SPAG17: variants seen among roughly 807,000 people sequenced by gnomAD.
SPAG17 encodes the protein sperm associated antigen 17, also known as sperm-associated antigen 17.
SPAG17 carries 169 observed loss-of-function variants against 273.6 expected under a neutral mutation model. The ratio of observed to expected loss-of-function variants is 0.62; its 90% confidence interval spans 0.55 to 0.70. SPAG17 has a LOEUF of 0.70. Ranked by LOEUF, SPAG17 falls within the 30% of genes least tolerant of loss-of-function variation. The probability of loss-of-function intolerance (pLI) is 0.00; values close to 1 mark genes in which losing one functional copy is unlikely to be tolerated. For synonymous variants in SPAG17, 825 were observed against 873.2 expected (o/e 0.94, Z 0.97); for missense variants, 2,557 against 2,627.8 (o/e 0.97, Z 0.59).
In SPAG17 at chr1:118,005,477, G is replaced by A; in HGVS notation, c.4713C>T (p.Tyr1571=). ...QKREQLRAGR[Y]IMRHTSEVIC... is the part of the protein sequence containing the mutation. Reference sequence around the variant, plus strand: ...TAACCTCTGAAGTATGCCTCATGATGTACCTGCCAGCTCGCAGCTGCTCAC... The same window carrying A: ...TAACCTCTGAAGTATGCCTCATGATATACCTGCCAGCTCGCAGCTGCTCAC... The change falls in exon 32 of 49, where the codon TAC becomes TAT. Residue 1571 remains tyrosine (Y), a synonymous_variant. Coordinates refer to ENST00000336338, the MANE Select transcript of SPAG17 (RefSeq NM_206996.4). 6.2e-7 allele frequency: 1 copy of A among 1,613,616 alleles called. No individual in the cohort carries two copies. Among genetic ancestry groups the A allele is most frequent in the Non-Finnish European group, 8.5e-7 (1 of 1,179,774 alleles).
intron 1 of SPAG17, among the ~76,000 whole-genome samples, chr1:118,164,664 T>C (rs1419692521): frequency 1.3e-5 from 2 of 152,234 alleles, no homozygotes; most frequent in Non-Finnish European, 1.5e-5. Flanking sequence ...TTCTGAGACA[T>C]AAACTTTATC....
chr1:118,134,993 C>CT (rs1485998563), intron 3 of SPAG17, among the ~76,000 whole-genome samples: 5 of 152,204 alleles, frequency 3.3e-5, no homozygotes, highest in African/African-American at 1.2e-4. Flanking sequence ...GTTCATTTCC[C>CT]TATCTGTTTT....
At chr1:118,014,212 T>C (rs1290691662) in intron 29 of SPAG17, among the ~76,000 whole-genome samples, 1 of 152,142 alleles carries the variant, frequency 6.6e-6, no homozygotes, top group African/African-American at 2.4e-5. Flanking sequence ...TGAGTTAGTA[T>C]ATGGAAAATG....
intron 1 of SPAG17, among the ~76,000 whole-genome samples, chr1:118,179,331 G>T (rs1459303066): frequency 6.6e-6 from 1 of 151,930 alleles, no homozygotes; most frequent in African/African-American, 2.4e-5. Flanking sequence ...CTTACAATAG[G>T]AAAGGACAGT....
At chr1:118,172,457 G>A (rs1386176526) in intron 1 of SPAG17, among the ~76,000 whole-genome samples, 7 of 152,112 alleles carry the variant, frequency 4.6e-5, no homozygotes, top group African/African-American at 1.7e-4. Flanking sequence ...TGGAATAACT[G>A]TCATGCCAAT....
chr1:118,180,458 C>T lies in SPAG17; in HGVS notation c.87+4613G>A, dbSNP rs150103079. Reference sequence around the variant, plus strand: ...GCTGGGAAAAGTAGCGAAGCCAGGGCATAGAGTTTGCTTAATGGGTACAAA... The same window carrying T: ...GCTGGGAAAAGTAGCGAAGCCAGGGTATAGAGTTTGCTTAATGGGTACAAA... On this transcript the variant is annotated intron_variant, in intron 1 of 48. Transcript: ENST00000336338. Among the ~76,000 whole-genome samples, 186 of 152,012 alleles carry T rather than the reference C, an allele frequency of 1.2e-3. 1 individual carries two copies. Among genetic ancestry groups the T allele is most frequent in the African/African-American group, 3.6e-3 (151 of 41,490 alleles).
In SPAG17 at chr1:118,073,987, C is replaced by CA. The variant is rs1557988914; in HGVS notation, c.2272-21dup. 2 of 1,510,356 alleles carry CA rather than the reference C, an allele frequency of 1.3e-6. No homozygotes were observed. The highest frequency in any genetic ancestry group is 1.8e-6 in the Non-Finnish European group (2 of 1,129,588). The allele number at this position is 1,510,356 out of a possible 1,614,324, so 93.6% of individuals were successfully genotyped here. On this transcript the variant is annotated intron_variant, in intron 16 of 48. Coordinates refer to ENST00000336338, the MANE Select transcript of SPAG17 (RefSeq NM_206996.4). ...GGGTTTCTAAAATATCATAGGAACA[C>CA]AATTTCAGCTTTAATTTGTTTAAGT...
At chr1:117,976,082 TACAC>T (rs1655104275) in intron 43 of SPAG17, among the ~76,000 whole-genome samples, 1 of 152,182 alleles carries the variant, frequency 6.6e-6, no homozygotes, top group African/African-American at 2.4e-5. Flanking sequence ...ACATAGCTAT[TACAC>T]AAGGAGCCCG....
At chr1:118,169,994 T>C (rs1413761622) in intron 1 of SPAG17, among the ~76,000 whole-genome samples, 1 of 152,224 alleles carries the variant, frequency 6.6e-6, no homozygotes, top group Non-Finnish European at 1.5e-5. Flanking sequence ...GGTTGGCAGA[T>C]GAAATATCTC....
chr1:118,044,817 C>T (rs961371133), intron 20 of SPAG17, among the ~76,000 whole-genome samples: 2 of 152,126 alleles, frequency 1.3e-5, no homozygotes, highest in Non-Finnish European at 2.9e-5. Context: ...GGAGGATGTG[C>T]CTGCCTCCCC....
chr1:118,006,202 T>C (rs1463001767), intron 31 of SPAG17, among the ~76,000 whole-genome samples: 1 of 152,250 alleles, frequency 6.6e-6, no homozygotes, highest in African/African-American at 2.4e-5. Context: ...TTATCACTAA[T>C]TCCGTAACAC....
In SPAG17 at chr1:118,025,359, G is replaced by A; in HGVS notation, c.3788C>T (p.Pro1263Leu). 1 of 1,611,128 alleles carries A rather than the reference G, an allele frequency of 6.2e-7. No individual in the cohort carries two copies. The highest frequency in any genetic ancestry group is 1.1e-5 in the South Asian group (1 of 90,720). The change falls in exon 27 of 49, where the codon CCC (proline) becomes CTC (leucine). Residue 1263 changes from proline to leucine, a missense_variant. Physicochemically the swap from Pro to Leu is moderately conservative, Grantham distance 98. Coordinates refer to ENST00000336338, the MANE Select transcript of SPAG17 (RefSeq NM_206996.4). ...GAACTCATAGTGCTTCACCCTCTGGGGGTAGCTCTGACGGACCATGATGTC... is the reference window on the plus strand; with the variant it reads ...GAACTCATAGTGCTTCACCCTCTGGAGGTAGCTCTGACGGACCATGATGTC... ...TWDIMVRQSY[P>L]QRVKHYEFYK...
At chr1:118,064,791 A>G (rs904266628) in intron 18 of SPAG17, among the ~76,000 whole-genome samples, 1 of 151,664 alleles carries the variant, frequency 6.6e-6, no homozygotes, top group Admixed American at 6.6e-5. Flanking sequence ...GATAATAAAA[A>G]TACTATCAGT....
intron 3 of SPAG17, among the ~76,000 whole-genome samples, chr1:118,128,014 T>A (rs896958644): frequency 6.6e-6 from 1 of 151,900 alleles, no homozygotes; most frequent in Admixed American, 6.6e-5. Context: ...CTAACCTACT[T>A]GGGAGGCTGA....
At chr1:118,140,970 T>C (rs893077167) in intron 3 of SPAG17, among the ~76,000 whole-genome samples, 20 of 152,314 alleles carry the variant, frequency 1.3e-4, no homozygotes, top group South Asian at 4.1e-4. Flanking sequence ...TTAGGGTTTT[T>C]GCACCCTCTG....
rs769946944 is a variant in SPAG17 at position 118,016,204 on chromosome 1, AAAC to A, written c.4070-25_4070-23del. The A allele has an allele frequency of 5.8e-6, 9 of 1,560,616 alleles. No homozygotes were observed. The African/African-American group carries it at 6.8e-5, about 12-fold the overall frequency. On this transcript the variant is annotated intron_variant, in intron 28 of 48. Coordinates refer to ENST00000336338, the MANE Select transcript of SPAG17 (RefSeq NM_206996.4). ...TTTCCTGTGAAGTTCAAGTAAAATCAAACAACAACAATATAACTATAGTATCAA... is the reference window on the plus strand; with the variant it reads ...TTTCCTGTGAAGTTCAAGTAAAATCAAACAACAATATAACTATAGTATCAA...
Position 118,081,084 on chromosome 1 carries a change from C to G in SPAG17, c.2209+17G>C. Reference sequence around the variant, plus strand: ...ACACACACACACACACACACACACACACACACTTTAACTTACCCAGAGACT... The same window carrying G: ...ACACACACACACACACACACACACAGACACACTTTAACTTACCCAGAGACT... On this transcript the variant is annotated intron_variant, in intron 15 of 48. Coordinates refer to ENST00000336338, the MANE Select transcript of SPAG17 (RefSeq NM_206996.4). 6.4e-7 allele frequency: 1 copy of G among 1,559,154 alleles called. No individual in the cohort carries two copies.
At chr1:118,131,924 C>T (rs987442354) in intron 3 of SPAG17, among the ~76,000 whole-genome samples, 1 of 152,216 alleles carries the variant, frequency 6.6e-6, no homozygotes, top group African/African-American at 2.4e-5. Context: ...TAAGGATTCC[C>T]CTTGCCATTA....
chr1:118,097,570 A>C (rs1385875986), intron 7 of SPAG17, 100 bp downstream of exon 7: 5 of 902,896 alleles, frequency 5.5e-6, no homozygotes, highest in Non-Finnish European at 8.0e-6. Context: ...ATGCCTTGTA[A>C]TCAGCGCTCA....
Sources: allele counts gnomAD v4.1 joint callset (sites outside exome capture counted in the v4.1 genomes callset), GRCh38; gene constraint gnomAD v4.1.1; transcripts MANE v1.5; gene names NCBI Gene and HGNC (gene_info 2026-07-23, HGNC 2026-07-21).